Variants in GALNT11 observed in about 807,000 individuals in gnomAD.
The protein encoded by GALNT11 is UDP-GalNAc:polypeptide N-acetylgalactosaminyltransferase 11.
Under a neutral mutation model 72.7 loss-of-function variants are expected in GALNT11, and 47 were observed. That is an observed-to-expected ratio of 0.65 (90% CI 0.51 to 0.82). The LOEUF (loss-of-function observed/expected upper bound fraction) is 0.82, where lower values mean the gene tolerates loss of function less well. Among genes scored for constraint, GALNT11 ranks in the 40% least tolerant of loss-of-function variants. GALNT11 has a pLI of 0.00. For synonymous variants in GALNT11, 270 were observed against 286.6 expected (o/e 0.94, Z 0.58); for missense variants, 677 against 778.4 (o/e 0.87, Z 1.55).
Position 152,121,814 on chromosome 7 carries a change from C to T in GALNT11, c.*137C>T. 8.8e-7 allele frequency: 1 copy of T among 1,140,482 alleles called. No homozygotes were observed. The highest frequency in any genetic ancestry group is 1.2e-6 in the Non-Finnish European group (1 of 817,682). The allele number at this position is 1,140,482 out of a possible 1,614,324, so 70.6% of individuals were successfully genotyped here. A position where few individuals can be genotyped will look rare whatever the true frequency, so the allele number is the denominator to read the frequency against. ...CAGTTCCCTGTCCTCCCGGAGATGC[C>T]TGGGTGTGTTAGCAGAGGTGACACG... On this transcript the variant is annotated 3_prime_UTR_variant, in exon 12 of 12. Transcript: ENST00000430044.
intron 4 of GALNT11, chr7:152,104,816 A>G (rs1056299004): frequency 6.6e-6 from 1 of 152,428 alleles, no homozygotes; most frequent in African/African-American, 2.4e-5. Flanking sequence ...TAGGGGCAAT[A>G]GAAGTTGTTT....
intron 1 of GALNT11, among the ~76,000 whole-genome samples, chr7:152,038,303 A>G (rs2082684703): frequency 1.3e-5 from 2 of 152,192 alleles, no homozygotes; most frequent in South Asian, 4.1e-4. Context: ...CAGTCATAAG[A>G]TTTACTATAA....
chr7:152,116,342 C>T (rs2088847892), intron 8 of GALNT11, among the ~76,000 whole-genome samples: 1 of 152,088 alleles, frequency 6.6e-6, no homozygotes, highest in African/African-American at 2.4e-5. Flanking sequence ...CCTCCACCTC[C>T]CAGGTTCAAG....
rs568266142 is a variant in GALNT11, at chr7:152,113,538, C to T, written c.1233+140C>T. ...CCTTAGGGCCAACTCTTTCTAGTTT[C>T]CCCCCACCCCCTTCACCTAGTACTT... On this transcript the variant is annotated intron_variant, in intron 8 of 11. Coordinates refer to ENST00000430044, the MANE Select transcript of GALNT11 (RefSeq NM_022087.4). 9 of 887,638 alleles carry T rather than the reference C, an allele frequency of 1.0e-5. No individual in the cohort carries two copies. In the African/African-American group the frequency reaches 1.2e-4, roughly 12 times the overall value. The allele number at this position is 887,638 out of a possible 1,614,324, so 55.0% of individuals were successfully genotyped here.
intron 1 of GALNT11, among the ~76,000 whole-genome samples, chr7:152,059,553 A>G (rs1289256923): frequency 6.6e-6 from 1 of 152,078 alleles, no homozygotes; most frequent in African/African-American, 2.4e-5. Flanking sequence ...AGTAGAAATT[A>G]CTCCTTGATC....
intron 3 of GALNT11, 49 bp from the exon 4 acceptor site, chr7:152,103,063 C>G (rs1289444882): frequency 6.5e-7 from 1 of 1,526,968 alleles, no homozygotes; most frequent in Non-Finnish European, 9.0e-7. Flanking sequence ...TAATCTAAAC[C>G]ATTCGAGCCT....
chr7:152,077,686 A>C (rs1375573027), intron 1 of GALNT11, among the ~76,000 whole-genome samples: 1 of 152,192 alleles, frequency 6.6e-6, no homozygotes, highest in Non-Finnish European at 1.5e-5. Flanking sequence ...TCCTCTCCAG[A>C]GGAAGATAAC....
At chr7:152,042,736 T>C (rs1380237762) in intron 1 of GALNT11, among the ~76,000 whole-genome samples, 1 of 152,182 alleles carries the variant, frequency 6.6e-6, no homozygotes, top group South Asian at 2.1e-4. Flanking sequence ...GTGTTCCCCA[T>C]TGTTGTAATA....
chr7:152,082,084 A>G (rs1420118125), intron 1 of GALNT11, among the ~76,000 whole-genome samples: 2 of 152,104 alleles, frequency 1.3e-5, no homozygotes, highest in African/African-American at 4.8e-5. Flanking sequence ...TATTTTTACC[A>G]TCTGTGGTTT....
rs906386322 is a variant in GALNT11, at chr7:152,094,841, C to T, written c.295+319C>T. ...GTTTTTTTAAGAGATGGGGTCTCAC[C>T]ATATTGCCCAGGCTGTCCCCGAATT... On this transcript the variant is annotated intron_variant, in intron 2 of 11. Coordinates refer to ENST00000430044, the MANE Select transcript of GALNT11 (RefSeq NM_022087.4). This position sits in a 1 kb window ranked among gnomAD's most constrained non-coding sequence, Gnocchi z 4.3. Among the ~76,000 whole-genome samples the T allele has an allele frequency of 3.3e-5, 5 of 152,120 alleles. No homozygotes were observed. Among genetic ancestry groups the T allele is most frequent in the African/African-American group, 7.2e-5 (3 of 41,414 alleles).
In GALNT11 at chr7:152,094,640, T is replaced by C; in HGVS notation, c.295+118T>C. 8.4e-7 allele frequency: 1 copy of C among 1,196,158 alleles called. No individual in the cohort carries two copies. Among genetic ancestry groups the C allele is most frequent in the South Asian group, 1.6e-5 (1 of 62,740 alleles). 74.1% of individuals were successfully genotyped at this position (1,196,158 alleles called of 1,614,324 possible). A position where few individuals can be genotyped will look rare whatever the true frequency, so the allele number is the denominator to read the frequency against. On this transcript the variant is annotated intron_variant, in intron 2 of 11. Coordinates refer to ENST00000430044, the MANE Select transcript of GALNT11 (RefSeq NM_022087.4). The surrounding 1 kb of genome is among the most constrained non-coding windows in gnomAD (Gnocchi z 4.3). ...TCATTTTTTCCCCACTGATTTATTT[T>C]GTTTGTGAACTACCTGAAGTTCTGT... is the stretch of plus-strand genomic sequence containing the variant.
intron 3 of GALNT11, 102 bp downstream of exon 3, chr7:152,101,023 G>A (rs994374201): frequency 1.7e-5 from 25 of 1,452,538 alleles, no homozygotes; most frequent in South Asian, 7.6e-5. Context: ...CCAATGCAGC[G>A]TCTTTATTCA....
In GALNT11 at chr7:152,063,000, C is replaced by T. The variant is rs956464790; in HGVS notation, c.-38-31190C>T. Among the ~76,000 whole-genome samples the T allele has an allele frequency of 6.0e-4, 91 of 152,254 alleles. 1 individual carries two copies. The highest frequency in any genetic ancestry group is 2.0e-3 in the African/African-American group (82 of 41,544). On this transcript the variant is annotated intron_variant, in intron 1 of 11. Transcript: ENST00000430044. The stretch of plus-strand genomic sequence containing the variant: ...TTCATAAAATGAGTTAGGGAGGATT[C>T]CCTCTTTTTCTATTGATAGGAATAG...
At chr7:152,083,126 C>G (rs531702833) in intron 1 of GALNT11, among the ~76,000 whole-genome samples, 1 of 152,096 alleles carries the variant, frequency 6.6e-6, no homozygotes, top group East Asian at 1.9e-4. Context: ...TAGTTTGTCA[C>G]TTGTCTTTTT....
At chr7:152,052,039 C>A (rs1012819219) in intron 1 of GALNT11, among the ~76,000 whole-genome samples, 1 of 152,124 alleles carries the variant, frequency 6.6e-6, no homozygotes, top group African/African-American at 2.4e-5. Flanking sequence ...CAATAATTCC[C>A]CATTTTCCCA....
At chr7:152,107,954 C>T (rs1398658272) in intron 5 of GALNT11, 84 bp from the exon 6 acceptor site, 2 of 1,484,956 alleles carry the variant, frequency 1.3e-6, no homozygotes, top group Admixed American at 1.8e-5. Flanking sequence ...CATGCTGTGT[C>T]AGCGCGTCAT....
chr7:152,050,459 G>T (rs2152029529), intron 1 of GALNT11, among the ~76,000 whole-genome samples: 3 of 152,292 alleles, frequency 2.0e-5, no homozygotes, highest in Middle Eastern at 6.8e-3. Context: ...ACTTTGCCTG[G>T]TGCCCTGTTC....
In GALNT11 at chr7:152,121,533, A is replaced by G. The variant is rs775833930; in HGVS notation, c.1696-13A>G. ...TAATTGGCAGTATTTTTTTGTTGCT[A>G]CCTTTTTTTCAGAAAAACAATCGGC... On this transcript the variant is annotated splice_polypyrimidine_tract_variant and intron_variant, in intron 11 of 11. Transcript: ENST00000430044. The G allele has an allele frequency of 1.2e-6, 2 of 1,601,042 alleles. No individual in the cohort carries two copies. The highest frequency in any genetic ancestry group is 1.3e-5 in the African/African-American group (1 of 74,268).
At chr7:152,082,491 A>C (rs145724663) in intron 1 of GALNT11, among the ~76,000 whole-genome samples, 4,399 of 152,316 alleles carry the variant, frequency 0.029, 203 homozygotes, top group African/African-American at 0.1. Context: ...TAACTTGTGG[A>C]ATGCTGAGAA....
Sources: gnomAD v4.1 joint callset for allele counts (sites outside exome capture counted in the v4.1 genomes callset) on GRCh38, gnomAD v4.1.1 for gene constraint, Gnocchi (gnomAD v3.1) non-coding constraint, MANE v1.5 for transcripts, NCBI Gene and HGNC (gene_info 2026-07-23, HGNC 2026-07-21) for gene names.